Variants in VPS41 observed in about 807,000 individuals in gnomAD.
VPS41 encodes the protein VPS41 subunit of HOPS complex.
Under a neutral mutation model 130.9 loss-of-function variants are expected in VPS41, and 85 were observed. That is an observed-to-expected ratio of 0.65 (90% CI 0.55 to 0.78). VPS41 has a LOEUF of 0.78. Among genes scored for constraint, VPS41 ranks in the 30% least tolerant of loss-of-function variants. The pLI, the probability that VPS41 is intolerant of heterozygous loss-of-function variation, is 0.00. For missense variants in VPS41, 874 were observed against 1,018.7 expected, an observed-to-expected ratio of 0.86 and a Z score of 1.93; for synonymous variants, 335 against 332.9, an observed-to-expected ratio of 1.01 and a Z score of -0.07.
intron 27 of VPS41, 197 bp from the exon 28 acceptor site, chr7:38,727,185 G>T: frequency 2.4e-6 from 1 of 409,010 alleles, no homozygotes. Flanking sequence ...GTTGCTATGC[G>T]ATTCACAGGT....
chr7:38,767,962 T>G (rs1784079342), intron 14 of VPS41, among the ~76,000 whole-genome samples: 1 of 152,210 alleles, frequency 6.6e-6, no homozygotes, highest in South Asian at 2.1e-4. Context: ...TTGTTTCCTG[T>G]GCCTTCATCT....
chr7:38,766,758 C>T (rs1784052905), intron 15 of VPS41, among the ~76,000 whole-genome samples: 1 of 152,100 alleles, frequency 6.6e-6, no homozygotes, highest in Admixed American at 6.5e-5. Flanking sequence ...AGGAGCTTCC[C>T]CCTTCATTGG....
intron 2 of VPS41, among the ~76,000 whole-genome samples, chr7:38,869,574 G>A (rs931227328): frequency 5.3e-5 from 8 of 152,236 alleles, no homozygotes; most frequent in African/African-American, 1.4e-4. Flanking sequence ...ATGGAATAAA[G>A]TTAGTAATCA....
At chr7:38,758,279 G>A in intron 18 of VPS41, 75 bp downstream of exon 18, 2 of 1,394,354 alleles carry the variant, frequency 1.4e-6, no homozygotes, top group Non-Finnish European at 9.7e-7. Flanking sequence ...TCCACTTGGA[G>A]TTTGCCAAAT....
At chr7:38,880,677 T>C (rs1298352377) in intron 2 of VPS41, among the ~76,000 whole-genome samples, 1 of 152,222 alleles carries the variant, frequency 6.6e-6, no homozygotes, top group Non-Finnish European at 1.5e-5. Flanking sequence ...TGTGATGACA[T>C]GGATGCCTGT....
intron 25 of VPS41, among the ~76,000 whole-genome samples, chr7:38,729,564 T>C (rs1025742261): frequency 2.6e-5 from 4 of 152,240 alleles, no homozygotes; most frequent in Non-Finnish European, 5.9e-5. Flanking sequence ...TTTGTTTCTT[T>C]ACACATTTTT....
rs185914208 is a variant in VPS41 at position 38,724,502 on chromosome 7, A to T, written c.*1744T>A. ...CTAAGTATTTGTGACTAACAACAAC[A>T]AAAAAATCTGTTGTTTGCTAGAGAA... On this transcript the variant is annotated 3_prime_UTR_variant, in exon 29 of 29. Transcript: ENST00000310301. The T allele has an allele frequency of 6.6e-6, 1 of 152,242 alleles. No homozygotes were observed. The highest frequency in any genetic ancestry group is 1.9e-4 in the East Asian group (1 of 5,210). 9.4% of individuals were successfully genotyped at this position (152,242 alleles called of 1,614,324 possible).
At chr7:38,828,258 C>T (rs1026622524) in intron 5 of VPS41, among the ~76,000 whole-genome samples, 30 of 151,760 alleles carry the variant, frequency 2.0e-4, no homozygotes, top group Middle Eastern at 6.8e-3. Flanking sequence ...CACACACACA[C>T]GCACACATAC....
intron 1 of VPS41, among the ~76,000 whole-genome samples, chr7:38,901,622 G>A (rs905211343): frequency 6.6e-6 from 1 of 152,206 alleles, no homozygotes; most frequent in Non-Finnish European, 1.5e-5. Flanking sequence ...GCCCCCATTA[G>A]ATCTCCCACC....
intron 14 of VPS41, 84 bp downstream of exon 14, chr7:38,771,114 C>T (rs34241931): frequency 0.023 from 22,703 of 988,016 alleles, 337 homozygotes; most frequent in Middle Eastern, 0.047. Flanking sequence ...ATAGGAAAAA[C>T]CTGTTCTTTT....
chr7:38,887,288 T>C (rs1786755359), intron 2 of VPS41, among the ~76,000 whole-genome samples: 1 of 151,994 alleles, frequency 6.6e-6, no homozygotes, highest in South Asian at 2.1e-4. Context: ...TGAAAAAAGG[T>C]TAGACGAATG....
chr7:38,787,586 C>T (rs915201774), intron 10 of VPS41, among the ~76,000 whole-genome samples: 3 of 152,118 alleles, frequency 2.0e-5, no homozygotes, highest in Non-Finnish European at 4.4e-5. Context: ...GAATAACTTT[C>T]GTGCTATTTT....
chr7:38,736,031 T>TA (rs1160265696), intron 25 of VPS41, among the ~76,000 whole-genome samples: 9 of 152,126 alleles, frequency 5.9e-5, no homozygotes, highest in African/African-American at 2.2e-4. Flanking sequence ...CAATTATACC[T>TA]AAAAATCTAA....
intron 10 of VPS41, among the ~76,000 whole-genome samples, chr7:38,781,064 G>T (rs990381196): frequency 8.5e-5 from 13 of 152,262 alleles, no homozygotes; most frequent in South Asian, 2.1e-4. Context: ...GCAGGACTGT[G>T]AGAATTAAAC....
intron 2 of VPS41, among the ~76,000 whole-genome samples, chr7:38,885,900 C>T (rs1013040570): frequency 6.6e-6 from 1 of 151,924 alleles, no homozygotes; most frequent in Admixed American, 6.6e-5. Context: ...AAAGACATAA[C>T]TCACTGGATG....
intron 8 of VPS41, 122 bp downstream of exon 8, chr7:38,796,623 T>C (rs1784625618): frequency 4.8e-6 from 7 of 1,462,252 alleles, no homozygotes; most frequent in Non-Finnish European, 6.6e-6. Context: ...CCAATCGTCC[T>C]TACACCCTTT....
chr7:38,842,955 G>T (rs1351657591), intron 4 of VPS41, among the ~76,000 whole-genome samples: 1 of 152,194 alleles, frequency 6.6e-6, no homozygotes. Context: ...GCATAGAAAA[G>T]CTCGATGAAG....
At chr7:38,830,845 A>G (rs1785373411) in intron 4 of VPS41, among the ~76,000 whole-genome samples, 1 of 152,234 alleles carries the variant, frequency 6.6e-6, no homozygotes, top group Admixed American at 6.5e-5. Flanking sequence ...CTAGAATGTC[A>G]GAAGAGTAAA....
At chr7:38,792,825 G>A (rs901108821) in intron 9 of VPS41, among the ~76,000 whole-genome samples, 8 of 150,820 alleles carry the variant, frequency 5.3e-5, no homozygotes, top group East Asian at 1.9e-4. Context: ...CACCCTCCCC[G>A]ACCCCCACTT....
Sources: gnomAD v4.1 joint callset for allele counts (sites outside exome capture counted in the v4.1 genomes callset) on GRCh38, gnomAD v4.1.1 for gene constraint, MANE v1.5 for transcripts, NCBI Gene and HGNC (gene_info 2026-07-23, HGNC 2026-07-21) for gene names.